Variants in UBE2E2 observed in about 807,000 individuals in gnomAD.
UBE2E2 encodes the protein ubiquitin conjugating enzyme E2 E2, also known as ubiquitin-conjugating enzyme E2 E2.
In UBE2E2, 6 loss-of-function variants were observed where a neutral mutation model predicts 24.7. That is an observed-to-expected ratio of 0.24 (90% confidence interval 0.13 to 0.48). The LOEUF (loss-of-function observed/expected upper bound fraction) is 0.48, where lower values mean the gene tolerates loss of function less well. UBE2E2 is among the 20% of genes least tolerant of loss of function. The probability of loss-of-function intolerance (pLI) is 0.99; values close to 1 mark genes in which losing one functional copy is unlikely to be tolerated. For missense variants in UBE2E2, 169 were observed against 245.0 expected (o/e 0.69, Z 2.07); for synonymous variants, 104 against 83.6 (o/e 1.24, Z -1.33).
At chr3:23,268,050 G>C (rs1324766727) in intron 3 of UBE2E2, among the ~76,000 whole-genome samples, 3 of 151,508 alleles carry the variant, frequency 2.0e-5, no homozygotes, top group East Asian at 1.9e-4. Flanking sequence ...TTGATGGGAC[G>C]TATCTCAAAA....
chr3:23,348,456 C>T (rs1404248518), intron 3 of UBE2E2, among the ~76,000 whole-genome samples: 2 of 150,380 alleles, frequency 1.3e-5, no homozygotes, highest in Non-Finnish European at 3.0e-5. Flanking sequence ...TTTTCTTTTT[C>T]AAAGTTCAAA....
At chr3:23,400,452 A>T (rs764012970) in intron 3 of UBE2E2, among the ~76,000 whole-genome samples, 2 of 152,100 alleles carry the variant, frequency 1.3e-5, no homozygotes, top group African/African-American at 2.4e-5. Context: ...CTACAGGTGC[A>T]TGCCACTGTG....
chr3:23,292,882 T>C (rs1171930912), intron 3 of UBE2E2, among the ~76,000 whole-genome samples: 1 of 152,200 alleles, frequency 6.6e-6, no homozygotes, highest in East Asian at 1.9e-4. Context: ...GAGACCAGCC[T>C]GACCAACATG....
chr3:23,308,592 A>G lies in UBE2E2; in HGVS notation c.227+91280A>G, dbSNP rs191476070. 4.1e-4 allele frequency among the ~76,000 whole-genome samples: 62 copies of G among 152,284 alleles called. 1 individual carries two copies. Among genetic ancestry groups the G allele is most frequent in the Admixed American group, 2.5e-3 (38 of 15,294 alleles). On this transcript the variant is annotated intron_variant, in intron 3 of 5. Coordinates refer to ENST00000396703, the MANE Select transcript of UBE2E2 (RefSeq NM_152653.4). ...TTATCATTTAAAGACAGGTATTCTT[A>G]TTAGACACTTGACATCTGTTAGTCT... is the stretch of plus-strand genomic sequence containing the variant.
intron 3 of UBE2E2, among the ~76,000 whole-genome samples, chr3:23,409,479 A>C (rs1697448955): frequency 6.6e-6 from 1 of 152,156 alleles, no homozygotes; most frequent in South Asian, 2.1e-4. Flanking sequence ...AGGAGAAGAC[A>C]ATGTGTGGTT....
chr3:23,525,337 A>G (rs1004322070), intron 4 of UBE2E2, among the ~76,000 whole-genome samples: 4 of 152,194 alleles, frequency 2.6e-5, no homozygotes, highest in African/African-American at 9.7e-5. Flanking sequence ...GCATTATTCC[A>G]TCTACTGCAC....
intron 5 of UBE2E2, among the ~76,000 whole-genome samples, chr3:23,537,365 G>C (rs1251336735): frequency 6.6e-6 from 1 of 152,190 alleles, no homozygotes; most frequent in Admixed American, 6.5e-5. Context: ...TGGATGAGCT[G>C]CTCCCTCTCC....
At chr3:23,522,567 C>A (rs1047831246) in intron 4 of UBE2E2, among the ~76,000 whole-genome samples, 1 of 151,984 alleles carries the variant, frequency 6.6e-6, no homozygotes, top group East Asian at 1.9e-4. Flanking sequence ...AATTTCTGAA[C>A]CCCTCCACTT....
chr3:23,319,160 A>G (rs1370179531), intron 3 of UBE2E2, among the ~76,000 whole-genome samples: 2 of 152,244 alleles, frequency 1.3e-5, no homozygotes, highest in Admixed American at 1.3e-4. Context: ...ATCCAAATTG[A>G]TCCTGTTAAG....
intron 3 of UBE2E2, among the ~76,000 whole-genome samples, chr3:23,409,035 T>C (rs1476124141): frequency 6.6e-6 from 1 of 152,042 alleles, no homozygotes; most frequent in Non-Finnish European, 1.5e-5. Flanking sequence ...ATGACAAGGG[T>C]GGTTCTCATC....
intron 3 of UBE2E2, among the ~76,000 whole-genome samples, chr3:23,240,338 C>T (rs142333347): frequency 6.6e-6 from 1 of 152,232 alleles, no homozygotes; most frequent in East Asian, 1.9e-4. Context: ...GTGGATTACC[C>T]AATGAAATTT....
At chr3:23,282,064 C>T (rs75777861) in intron 3 of UBE2E2, among the ~76,000 whole-genome samples, 5,151 of 152,262 alleles carry the variant, frequency 0.034, 317 homozygotes, top group African/African-American at 0.12. Flanking sequence ...AGCTTTATAA[C>T]CAGCAAGGGG....
At chr3:23,451,901 T>G (rs1698569390) in intron 3 of UBE2E2, among the ~76,000 whole-genome samples, 1 of 152,210 alleles carries the variant, frequency 6.6e-6, no homozygotes, top group Non-Finnish European at 1.5e-5. Flanking sequence ...GTTGCTTATC[T>G]CATAAAGATA....
intron 3 of UBE2E2, among the ~76,000 whole-genome samples, chr3:23,274,253 A>G (rs1698323387): frequency 6.6e-6 from 1 of 152,156 alleles, no homozygotes; most frequent in African/African-American, 2.4e-5. Context: ...ATTGTTGAAG[A>G]AATACCTGGA....
At chr3:23,257,515 C>T in intron 3 of UBE2E2, among the ~76,000 whole-genome samples, 2 of 5,622 alleles carry the variant, frequency 3.6e-4, no homozygotes, top group Admixed American at 9.5e-4. Context: ...TTCCCGTGCC[C>T]CCCCCCCCCC....
chr3:23,288,248 C>T (rs914446738), intron 3 of UBE2E2, among the ~76,000 whole-genome samples: 3 of 152,098 alleles, frequency 2.0e-5, no homozygotes, highest in Non-Finnish European at 4.4e-5. Flanking sequence ...TTATTGAGCT[C>T]TAGTTTTATT....
chr3:23,337,863 A>G (rs1379444441), intron 3 of UBE2E2, among the ~76,000 whole-genome samples: 1 of 152,180 alleles, frequency 6.6e-6, no homozygotes, highest in Admixed American at 6.5e-5. Flanking sequence ...AGCCATCAAA[A>G]TGAGTGAAAG....
At chr3:23,229,879 C>A (rs968129035) in intron 3 of UBE2E2, among the ~76,000 whole-genome samples, 1 of 152,100 alleles carries the variant, frequency 6.6e-6, no homozygotes, top group East Asian at 1.9e-4. Flanking sequence ...CTTGAGGCTA[C>A]TATATTGGAC....
At chr3:23,367,642 TTG>T (rs747220892) in intron 3 of UBE2E2, among the ~76,000 whole-genome samples, 24 of 152,082 alleles carry the variant, frequency 1.6e-4, no homozygotes, top group Non-Finnish European at 3.2e-4. Flanking sequence ...GCTTAAGTAT[TTG>T]TGTGAGTTCC....
Sources: allele counts gnomAD v4.1 joint callset (sites outside exome capture counted in the v4.1 genomes callset), GRCh38; gene constraint gnomAD v4.1.1; transcripts MANE v1.5; gene names NCBI Gene and HGNC (gene_info 2026-07-23, HGNC 2026-07-21).